Variants in ARSJ observed in about 807,000 individuals in gnomAD.
ARSJ encodes arylsulfatase family member J, also known as arylsulfatase J.
ARSJ carries 26 observed loss-of-function variants against 35.9 expected under a neutral mutation model. The ratio of observed to expected loss-of-function variants is 0.72; its 90% CI spans 0.53 to 1.00. ARSJ has a LOEUF of 1.00. Ranked by LOEUF, ARSJ falls within the 50% of genes least tolerant of loss-of-function variation. The probability of loss-of-function intolerance (pLI) is 0.00; values close to 1 mark genes in which losing one functional copy is unlikely to be tolerated. For synonymous variants in ARSJ, 294 were observed against 267.6 expected (o/e 1.10, Z -0.96); for missense variants, 667 against 723.6 (o/e 0.92, Z 0.90).
In ARSJ at chr4:113,978,477, G is replaced by A; in HGVS notation, c.358C>T (p.Pro120Ser). The A allele has an allele frequency of 6.2e-7, 1 of 1,613,784 alleles. No homozygotes were observed. Among genetic ancestry groups the A allele is most frequent in the Non-Finnish European group, 8.5e-7 (1 of 1,179,776 alleles). Residue 120 changes from proline to serine, a missense_variant, in exon 1 of 2, where the codon CCT becomes TCT. Physicochemically the swap from Pro to Ser is moderately conservative, Grantham distance 74. Transcript: ENST00000315366. ...TGACTCCTGGATGGTGTGCAAATAG[G>A]CTGGACATAGTAGTTCTCCAGTTTA... ...GVKLENYYVQ[P>S]ICTPSRSQFI...
chr4:113,951,298 T>G (rs1048952300), intron 1 of ARSJ, among the ~76,000 whole-genome samples: 5 of 152,138 alleles, frequency 3.3e-5, no homozygotes, highest in African/African-American at 7.2e-5. Context: ...TTCAAATATG[T>G]GAAGACAGTT....
At position 113,902,255 on chromosome 4, in the gene ARSJ, A is replaced by T. The variant is rs777816003; in HGVS notation, c.*19T>A. ...GATAAGAACTGATTAAAGTTTAACCAAACAGGAAATATTTGTGCTTATCCA... is the reference window on the plus strand; with the variant it reads ...GATAAGAACTGATTAAAGTTTAACCTAACAGGAAATATTTGTGCTTATCCA... On this transcript the variant is annotated 3_prime_UTR_variant, in exon 2 of 2. Coordinates refer to ENST00000315366, the MANE Select transcript of ARSJ (RefSeq NM_024590.4). 1 of 1,605,702 alleles carries T rather than the reference A, an allele frequency of 6.2e-7. No homozygotes were observed. Among genetic ancestry groups the T allele is most frequent in the South Asian group, 1.1e-5 (1 of 91,088 alleles).
chr4:113,957,769 A>G (rs796520848), intron 1 of ARSJ, among the ~76,000 whole-genome samples: 4 of 152,266 alleles, frequency 2.6e-5, no homozygotes, highest in African/African-American at 7.2e-5. Flanking sequence ...GAACAAACTT[A>G]AAAGTGAGAC....
intron 1 of ARSJ, among the ~76,000 whole-genome samples, chr4:113,924,388 C>T (rs1379266397): frequency 2.0e-5 from 3 of 151,876 alleles, no homozygotes; most frequent in African/African-American, 7.3e-5. Flanking sequence ...GTCGGTCTTT[C>T]CCAGCCCACT....
intron 1 of ARSJ, among the ~76,000 whole-genome samples, chr4:113,959,842 T>A (rs1163740406): frequency 2.0e-5 from 3 of 152,032 alleles, no homozygotes; most frequent in African/African-American, 7.2e-5. Flanking sequence ...GAGCTAAAAG[T>A]CAGAATATTC....
At chr4:113,965,237 AC>A (rs1326836889) in intron 1 of ARSJ, among the ~76,000 whole-genome samples, 2 of 152,106 alleles carry the variant, frequency 1.3e-5, no homozygotes, top group Admixed American at 1.3e-4. Flanking sequence ...ACTTCCCAAA[AC>A]TGTATGGGAA....
chr4:113,968,392 T>A (rs747871599), intron 1 of ARSJ, among the ~76,000 whole-genome samples: 1 of 152,158 alleles, frequency 6.6e-6, no homozygotes, highest in Non-Finnish European at 1.5e-5. Context: ...GTATAAAAAC[T>A]GAAACAGAAG....
chr4:113,955,072 A>G (rs926624439), intron 1 of ARSJ, among the ~76,000 whole-genome samples: 10 of 151,456 alleles, frequency 6.6e-5, no homozygotes, highest in Non-Finnish European at 4.4e-5. Context: ...GATGGATGAA[A>G]ATAATTATTG....
intron 1 of ARSJ, among the ~76,000 whole-genome samples, chr4:113,941,272 G>C (rs945562063): frequency 6.6e-6 from 1 of 152,024 alleles, no homozygotes; most frequent in Non-Finnish European, 1.5e-5. Flanking sequence ...ACACTTTGCA[G>C]TTACATACAT....
chr4:113,905,206 T>C (rs1363246719), intron 1 of ARSJ, among the ~76,000 whole-genome samples: 1 of 152,076 alleles, frequency 6.6e-6, no homozygotes, highest in South Asian at 2.1e-4. Flanking sequence ...ACTTTTAAAA[T>C]AGAAAATATA....
intron 1 of ARSJ, among the ~76,000 whole-genome samples, chr4:113,973,437 A>G (rs1429232711): frequency 3.3e-5 from 5 of 152,128 alleles, no homozygotes; most frequent in African/African-American, 1.2e-4. Flanking sequence ...ATGATCCACC[A>G]TGCTAATTAT....
Position 113,978,784 on chromosome 4 carries a change from G to A in ARSJ, c.51C>T (p.Ala17=). The part of the protein sequence containing the change: ...AGHPPPPSPQ[A]CVCPGKMLAM... ...CTAGCATCTTTCCAGGACAGACACA[G>A]GCCTGTGGAGAAGGCGGAGGCGGAT... The change falls in exon 1 of 2, where the codon GCC becomes GCT. Residue 17 remains alanine (A), a synonymous_variant. Coordinates refer to ENST00000315366, the MANE Select transcript of ARSJ (RefSeq NM_024590.4). 6.2e-7 allele frequency: 1 copy of A among 1,613,972 alleles called. No homozygotes were observed.
chr4:113,947,134 A>G (rs1464477585), intron 1 of ARSJ, among the ~76,000 whole-genome samples: 1 of 152,098 alleles, frequency 6.6e-6, no homozygotes, highest in Non-Finnish European at 1.5e-5. Flanking sequence ...ATATAGACAT[A>G]TATAGTCAAA....
intron 1 of ARSJ, among the ~76,000 whole-genome samples, chr4:113,956,070 C>G (rs1025002668): frequency 2.0e-5 from 3 of 152,048 alleles, no homozygotes; most frequent in African/African-American, 4.8e-5. Context: ...CCACCTCAGC[C>G]TCCCGAGTAG....
At chr4:113,956,451 T>A (rs563822351) in intron 1 of ARSJ, among the ~76,000 whole-genome samples, 7 of 152,188 alleles carry the variant, frequency 4.6e-5, no homozygotes, top group Non-Finnish European at 5.9e-5. Context: ...TTAATAAATC[T>A]TTACTGGCCA....
intron 1 of ARSJ, among the ~76,000 whole-genome samples, chr4:113,944,619 C>A (rs1725360419): frequency 6.6e-6 from 1 of 151,962 alleles, no homozygotes; most frequent in Admixed American, 6.6e-5. Context: ...GTTCTAGCAG[C>A]TCTCAGGGGA....
Position 113,901,424 on chromosome 4 carries a change from T to C in ARSJ, c.*850A>G, listed in dbSNP as rs528212293. 1 of 152,258 alleles carries C rather than the reference T, an allele frequency of 6.6e-6. No homozygotes were observed. Among genetic ancestry groups the C allele is most frequent in the South Asian group, 2.1e-4 (1 of 4,830 alleles). 9.4% of individuals were successfully genotyped at this position (152,258 alleles called of 1,614,324 possible). On this transcript the variant is annotated 3_prime_UTR_variant, in exon 2 of 2. Coordinates refer to ENST00000315366, the MANE Select transcript of ARSJ (RefSeq NM_024590.4). ...TAATTTATAGTATTACAGTGCTTGG[T>C]AATTTGAAGAAATGAAATAAAATTA...
intron 1 of ARSJ, among the ~76,000 whole-genome samples, chr4:113,906,419 A>C (rs1380071862): frequency 6.6e-6 from 1 of 152,256 alleles, no homozygotes; most frequent in Non-Finnish European, 1.5e-5. Flanking sequence ...TAGCGTCTGC[A>C]GATAAATAGG....
chr4:113,920,884 A>G (rs1453522488), intron 1 of ARSJ, among the ~76,000 whole-genome samples: 1 of 152,140 alleles, frequency 6.6e-6, no homozygotes, highest in Non-Finnish European at 1.5e-5. Flanking sequence ...ATATTCTCGA[A>G]CAATTTAATC....
Sources: gnomAD v4.1 joint callset for allele counts (sites outside exome capture counted in the v4.1 genomes callset) on GRCh38, gnomAD v4.1.1 for gene constraint, MANE v1.5 for transcripts, NCBI Gene and HGNC (gene_info 2026-07-23, HGNC 2026-07-21) for gene names.